Variants in FOXP1 observed in about 807,000 individuals in gnomAD.
FOXP1 encodes forkhead box P1.
In FOXP1, 15 loss-of-function variants were observed where a neutral mutation model predicts 98.2. The ratio of observed to expected loss-of-function variants is 0.15; its 90% CI spans 0.10 to 0.24. FOXP1 has a LOEUF of 0.24. FOXP1 is among the 10% of genes least tolerant of loss of function. The pLI is 1.00. For missense variants in FOXP1, 633 were observed against 848.5 expected (o/e 0.75, Z 3.15); for synonymous variants, 371 against 314.5 (o/e 1.18, Z -1.90).
chr3:71,054,056 C>T (rs1270932993), intron 7 of FOXP1, among the ~76,000 whole-genome samples: 1 of 152,174 alleles, frequency 6.6e-6, no homozygotes, highest in Non-Finnish European at 1.5e-5. Context: ...AGTTAAGATA[C>T]GACAGTTCTC....
intron 4 of FOXP1, among the ~76,000 whole-genome samples, chr3:71,346,505 C>T (rs1292939290): frequency 9.2e-5 from 14 of 152,160 alleles, no homozygotes; most frequent in African/African-American, 2.4e-5. Context: ...TACAACCACA[C>T]AGTAATAGTA....
At chr3:70,987,272 C>CCA (rs1279233369) in intron 14 of FOXP1, among the ~76,000 whole-genome samples, 1 of 152,156 alleles carries the variant, frequency 6.6e-6, no homozygotes, top group Admixed American at 6.5e-5. Flanking sequence ...GGAAGGAGGT[C>CCA]CAAGACAAAC....
chr3:71,562,404 G>C (rs1232609694), intron 2 of FOXP1, among the ~76,000 whole-genome samples: 1 of 152,222 alleles, frequency 6.6e-6, no homozygotes, highest in African/African-American at 2.4e-5. Flanking sequence ...GCTTGTCTAA[G>C]GGTCATGCGG....
At chr3:71,371,551 T>C (rs1276636743) in intron 3 of FOXP1, among the ~76,000 whole-genome samples, 2 of 152,194 alleles carry the variant, frequency 1.3e-5, no homozygotes, top group Non-Finnish European at 2.9e-5. Context: ...TTTGTGAGCC[T>C]GAGGCAGGAA....
intron 7 of FOXP1, among the ~76,000 whole-genome samples, chr3:71,073,241 G>C (rs1270681099): frequency 6.6e-6 from 1 of 152,186 alleles, no homozygotes; most frequent in Admixed American, 6.5e-5. Flanking sequence ...GCGCGCTGTG[G>C]TTAACTGTTC....
At chr3:71,205,763 G>A (rs76582825) in intron 5 of FOXP1, among the ~76,000 whole-genome samples, 2,790 of 152,266 alleles carry the variant, frequency 0.018, 102 homozygotes, top group African/African-American at 0.063. Flanking sequence ...CTTGGTACAC[G>A]TAAGCAAAGG....
chr3:71,582,912 CCA>C (rs1219578129), intron 1 of FOXP1: 1 of 658,376 alleles, frequency 1.5e-6, no homozygotes, highest in East Asian at 1.4e-4. Flanking sequence ...GGGCCAGGCA[CCA>C]CAGTCAGTTT....
intron 3 of FOXP1, among the ~76,000 whole-genome samples, chr3:71,471,866 T>A (rs556017734): frequency 2.6e-4 from 39 of 152,298 alleles, no homozygotes; most frequent in African/African-American, 7.2e-4. Flanking sequence ...AGTGGTTCCA[T>A]CTGAGCAGAC....
At chr3:71,028,992 G>A (rs2046494823) in intron 11 of FOXP1, among the ~76,000 whole-genome samples, 1 of 152,192 alleles carries the variant, frequency 6.6e-6, no homozygotes, top group Non-Finnish European at 1.5e-5. Context: ...GGGAGCGGCT[G>A]TAAATACAGA....
chr3:71,323,847 T>C (rs1178965624), intron 4 of FOXP1, among the ~76,000 whole-genome samples: 1 of 152,194 alleles, frequency 6.6e-6, no homozygotes, highest in Non-Finnish European at 1.5e-5. Flanking sequence ...TTAATGACTC[T>C]AACTGCCTTG....
chr3:71,393,399 A>G (rs1197409845), intron 3 of FOXP1, among the ~76,000 whole-genome samples: 1 of 151,840 alleles, frequency 6.6e-6, no homozygotes, highest in Non-Finnish European at 1.5e-5. Context: ...ACTATAGAAG[A>G]CTCATAATAA....
chr3:71,016,131 G>A (rs1044923515), intron 11 of FOXP1, among the ~76,000 whole-genome samples: 7 of 152,008 alleles, frequency 4.6e-5, no homozygotes, highest in African/African-American at 1.4e-4. Context: ...GCAAAGAGGA[G>A]TACAATTAAA....
chr3:71,476,647 T>A (rs946206763), intron 3 of FOXP1, among the ~76,000 whole-genome samples: 1 of 148,232 alleles, frequency 6.7e-6, no homozygotes, highest in African/African-American at 2.5e-5. Context: ...CCCGCCATCA[T>A]GCCCAGCTAA....
chr3:70,995,477 T>C (rs559933768), intron 13 of FOXP1, among the ~76,000 whole-genome samples: 21 of 152,338 alleles, frequency 1.4e-4, no homozygotes, highest in African/African-American at 5.1e-4. Context: ...CAAAAGAATC[T>C]GTCAAAAAAG....
chr3:71,094,276 TTC>T (rs1461734418), intron 7 of FOXP1, among the ~76,000 whole-genome samples: 5 of 149,812 alleles, frequency 3.3e-5, no homozygotes, highest in Admixed American at 1.3e-4. Context: ...TTTTTTTCTT[TTC>T]TTTTTTTTTT....
intron 3 of FOXP1, among the ~76,000 whole-genome samples, chr3:71,363,783 T>C (rs1481869896): frequency 1.3e-5 from 2 of 152,184 alleles, no homozygotes; most frequent in Non-Finnish European, 2.9e-5. Context: ...TCCCTTGTAG[T>C]TAGGTGGGGC....
At chr3:71,365,929 GC>G (rs2078898494) in intron 3 of FOXP1, among the ~76,000 whole-genome samples, 1 of 152,124 alleles carries the variant, frequency 6.6e-6, no homozygotes, top group South Asian at 2.1e-4. Context: ...GTTGCAGTGA[GC>G]CCACTGCACT....
At chr3:71,188,366 C>T (rs576965062) in intron 6 of FOXP1, among the ~76,000 whole-genome samples, 3 of 151,824 alleles carry the variant, frequency 2.0e-5, no homozygotes, top group South Asian at 4.2e-4. Context: ...GATAAAAACA[C>T]GAATGTAGGA....
intron 3 of FOXP1, among the ~76,000 whole-genome samples, chr3:71,490,598 A>T (rs1225459227): frequency 6.6e-6 from 1 of 152,174 alleles, no homozygotes; most frequent in Admixed American, 6.5e-5. Flanking sequence ...TGAGAAGGGA[A>T]GTTTTTTAAA....
Sources: gnomAD v4.1 joint callset for allele counts (sites outside exome capture counted in the v4.1 genomes callset) on GRCh38, gnomAD v4.1.1 for gene constraint, MANE v1.5 for transcripts, NCBI Gene and HGNC (gene_info 2026-07-23, HGNC 2026-07-21) for gene names.